Variants in CFAP299 observed in about 807,000 individuals in gnomAD.
The protein encoded by CFAP299 is cilia and flagella associated protein 299.
Under a neutral mutation model 27.0 loss-of-function variants are expected in CFAP299, and 21 were observed. That is an observed-to-expected ratio of 0.78 (90% CI 0.55 to 1.12). CFAP299 has a LOEUF of 1.12. CFAP299 is among the 50% of genes most tolerant of loss of function. The pLI, the probability that CFAP299 is intolerant of heterozygous loss-of-function variation, is 0.00. For synonymous variants in CFAP299, 104 were observed against 98.1 expected, an observed-to-expected ratio of 1.06 and a Z score of -0.36; for missense variants, 310 against 276.6, an observed-to-expected ratio of 1.12 and a Z score of -0.86.
At chr4:80,831,007 G>A (rs1730270385) in intron 3 of CFAP299, among the ~76,000 whole-genome samples, 1 of 152,050 alleles carries the variant, frequency 6.6e-6, no homozygotes, top group South Asian at 2.1e-4. Flanking sequence ...AACATGTTCA[G>A]TGTTGCACAA....
At chr4:80,716,197 A>G (rs887207224) in intron 3 of CFAP299, among the ~76,000 whole-genome samples, 1 of 151,960 alleles carries the variant, frequency 6.6e-6, no homozygotes, top group Non-Finnish European at 1.5e-5. Flanking sequence ...TAAAATTTTG[A>G]AGTGTTATAT....
At chr4:80,814,135 A>G (rs918321692) in intron 3 of CFAP299, among the ~76,000 whole-genome samples, 1 of 152,034 alleles carries the variant, frequency 6.6e-6, no homozygotes, top group African/African-American at 2.4e-5. Context: ...TCTTTCCCAA[A>G]GCTCTAAGTA....
At chr4:80,923,414 T>C (rs1486189516) in intron 4 of CFAP299, among the ~76,000 whole-genome samples, 2 of 152,056 alleles carry the variant, frequency 1.3e-5, no homozygotes, top group African/African-American at 2.4e-5. Context: ...TATATGCCAG[T>C]AGGCCAAGAT....
At chr4:80,413,932 C>A in intron 2 of CFAP299, among the ~76,000 whole-genome samples, 1 of 151,900 alleles carries the variant, frequency 6.6e-6, no homozygotes, top group Non-Finnish European at 1.5e-5. Flanking sequence ...GTTTCAGTCA[C>A]TTCTGGTTAA....
intron 3 of CFAP299, among the ~76,000 whole-genome samples, chr4:80,738,634 G>A (rs755073050): frequency 4.1e-5 from 6 of 146,756 alleles, no homozygotes; most frequent in Non-Finnish European, 7.5e-5. Flanking sequence ...GGTGAATTAT[G>A]TTTCTTGTAG....
chr4:80,470,351 T>C (rs938752196), intron 2 of CFAP299, among the ~76,000 whole-genome samples: 4 of 152,196 alleles, frequency 2.6e-5, no homozygotes, highest in African/African-American at 7.2e-5. Flanking sequence ...TCAGTCTACC[T>C]TCTCGTTTTC....
intron 2 of CFAP299, among the ~76,000 whole-genome samples, chr4:80,371,430 T>G (rs1211223203): frequency 6.6e-6 from 1 of 152,190 alleles, no homozygotes; most frequent in Non-Finnish European, 1.5e-5. Context: ...CCCCCCAAAA[T>G]GAGTTTTTCT....
chr4:80,433,216 T>G (rs1727910370), intron 2 of CFAP299, among the ~76,000 whole-genome samples: 2 of 152,208 alleles, frequency 1.3e-5, no homozygotes, highest in South Asian at 4.1e-4. Flanking sequence ...TATCCCAAGG[T>G]GTTATATTCT....
intron 2 of CFAP299, among the ~76,000 whole-genome samples, chr4:80,390,826 T>C (rs1725401396): frequency 7.4e-6 from 1 of 135,960 alleles, no homozygotes; most frequent in South Asian, 2.3e-4. Context: ...CATATATGTA[T>C]ATGTATATAT....
At chr4:80,787,672 A>G (rs1727323084) in intron 3 of CFAP299, among the ~76,000 whole-genome samples, 2 of 152,062 alleles carry the variant, frequency 1.3e-5, no homozygotes, top group African/African-American at 4.8e-5. Flanking sequence ...TTCAGTTACC[A>G]GAGCTCCTAT....
At chr4:80,541,972 T>TAA (rs35634141) in intron 2 of CFAP299, among the ~76,000 whole-genome samples, 7 of 145,246 alleles carry the variant, frequency 4.8e-5, no homozygotes, top group East Asian at 4.0e-4. Flanking sequence ...GTATAATAAT[T>TAA]AAAAAAAAAA....
At chr4:80,418,027 T>C (rs1186252446) in intron 2 of CFAP299, among the ~76,000 whole-genome samples, 1 of 152,222 alleles carries the variant, frequency 6.6e-6, no homozygotes, top group African/African-American at 2.4e-5. Flanking sequence ...ATATTATTTG[T>C]AAATCACACA....
chr4:80,736,916 A>G (rs1409307033), intron 3 of CFAP299, among the ~76,000 whole-genome samples: 1 of 152,166 alleles, frequency 6.6e-6, no homozygotes, highest in Non-Finnish European at 1.5e-5. Flanking sequence ...ACCAACCCAA[A>G]TGTCCAACAA....
At chr4:80,455,088 C>T (rs1729080927) in intron 2 of CFAP299, among the ~76,000 whole-genome samples, 1 of 152,116 alleles carries the variant, frequency 6.6e-6, no homozygotes, top group African/African-American at 2.4e-5. Context: ...GAGCAGATAG[C>T]AAGGTTTCAA....
At chr4:80,723,289 T>C (rs1440384872) in intron 3 of CFAP299, among the ~76,000 whole-genome samples, 1 of 152,208 alleles carries the variant, frequency 6.6e-6, no homozygotes, top group African/African-American at 2.4e-5. Context: ...CAATGATTTG[T>C]ACATAAATGG....
intron 3 of CFAP299, among the ~76,000 whole-genome samples, chr4:80,799,223 ATATT>A (rs1327077978): frequency 8.5e-6 from 1 of 117,564 alleles, no homozygotes; most frequent in Non-Finnish European, 1.6e-5. Flanking sequence ...TTGTATAAAT[ATATT>A]TATATAATAT....
At chr4:80,513,974 A>G (rs7685226) in intron 2 of CFAP299, among the ~76,000 whole-genome samples, 58,451 of 151,850 alleles carry the variant, frequency 0.38, 14,622 homozygotes, top group African/African-American at 0.71. Context: ...AGAGAACCAA[A>G]AGATAATTGA....
At position 80,708,589 on chromosome 4, in the gene CFAP299, T is replaced by A. The variant is rs1493175; in HGVS notation, c.333+125406T>A. 2.4e-3 allele frequency among the ~76,000 whole-genome samples: 368 copies of A among 152,226 alleles called. 3 individuals carry two copies. The highest frequency in any genetic ancestry group is 0.013 in the South Asian group (62 of 4,830). ...TTTTAAGCTAGTGTTAAAATATTTA[T>A]GAAAAAGTGCCTTTCGTGTTAATAT... On this transcript the variant is annotated intron_variant, in intron 3 of 5. Transcript: ENST00000358105.
intron 2 of CFAP299, among the ~76,000 whole-genome samples, chr4:80,567,545 G>A (rs1463662634): frequency 6.6e-6 from 1 of 151,868 alleles, no homozygotes; most frequent in African/African-American, 2.4e-5. Flanking sequence ...AAGGGGAGGA[G>A]ACTAAAAAAG....
Sources: allele counts gnomAD v4.1 joint callset (sites outside exome capture counted in the v4.1 genomes callset), GRCh38; gene constraint gnomAD v4.1.1; transcripts MANE v1.5; gene names NCBI Gene and HGNC (gene_info 2026-07-23, HGNC 2026-07-21).